MED13L: variants seen among roughly 807,000 people sequenced by gnomAD.
MED13L encodes the protein mediator complex subunit 13L.
A neutral mutation model predicts 220.9 loss-of-function variants in MED13L; 7 were observed. The ratio of observed to expected loss-of-function variants is 0.03; its 90% CI spans 0.02 to 0.06. MED13L has a LOEUF of 0.06. Among genes scored for constraint, MED13L ranks in the 10% least tolerant of loss-of-function variants. MED13L has a pLI of 1.00. For synonymous variants in MED13L, 1,011 were observed against 1,015.2 expected, an observed-to-expected ratio of 1.00 and a Z score of 0.08; for missense variants, 1,965 against 2,760.5, an observed-to-expected ratio of 0.71 and a Z score of 6.46.
In MED13L at chr12:116,277,418, T is replaced by TGCCGCTGCC. The variant is rs1353110031; in HGVS notation, c.-296_-288dup. The TGCCGCTGCC allele has an allele frequency of 4.4e-4, 68 of 154,872 alleles. 1 individual carries two copies. In the South Asian group the frequency reaches 0.011, roughly 25 times the overall value. The allele number at this position is 154,872 out of a possible 1,614,324, so 9.6% of individuals were successfully genotyped here. Reference sequence around the variant, plus strand: ...CCTCAGCCGCCGCCGCCGCCGCTGCTGCCGCTGCCGCCGCCTTGTTTATCT... The same window carrying TGCCGCTGCC: ...CCTCAGCCGCCGCCGCCGCCGCTGCTGCCGCTGCCGCCGCTGCCGCCGCCTTGTTTATCT... On this transcript the variant is annotated 5_prime_UTR_variant, in exon 1 of 31. Coordinates refer to ENST00000281928, the MANE Select transcript of MED13L (RefSeq NM_015335.5).
At chr12:116,044,249 A>G (rs970711085) in intron 4 of MED13L, among the ~76,000 whole-genome samples, 5 of 150,674 alleles carry the variant, frequency 3.3e-5, no homozygotes, top group African/African-American at 7.3e-5. Context: ...CAAATGTTCC[A>G]TAAGTAAGTG....
At chr12:116,274,495 T>TA (rs1006441130) in intron 1 of MED13L, among the ~76,000 whole-genome samples, 11 of 150,798 alleles carry the variant, frequency 7.3e-5, no homozygotes, top group Admixed American at 1.3e-4. Context: ...AGCGTTCTTA[T>TA]AAAAAAACAT....
chr12:116,016,502 A>G (rs1879733424), intron 7 of MED13L, among the ~76,000 whole-genome samples: 1 of 152,210 alleles, frequency 6.6e-6, no homozygotes, highest in African/African-American at 2.4e-5. Flanking sequence ...TAGGCAAACT[A>G]AAGAAATAAA....
intron 17 of MED13L, among the ~76,000 whole-genome samples, chr12:115,988,265 T>C (rs1877832451): frequency 6.6e-6 from 1 of 152,224 alleles, no homozygotes; most frequent in South Asian, 2.1e-4. Flanking sequence ...TGCAAAGTGG[T>C]GGTCCACAGA....
chr12:116,142,358 T>C (rs777465388), intron 2 of MED13L, among the ~76,000 whole-genome samples: 3 of 152,170 alleles, frequency 2.0e-5, no homozygotes, highest in Non-Finnish European at 4.4e-5. Flanking sequence ...AGTAAGCATA[T>C]AGCAATAGTC....
At chr12:116,240,527 ATTTAT>A (rs1216611010) in intron 1 of MED13L, among the ~76,000 whole-genome samples, 1 of 149,406 alleles carries the variant, frequency 6.7e-6, no homozygotes, top group African/African-American at 2.4e-5. Flanking sequence ...TAAGCAGAAG[ATTTAT>A]TTTATTTTTT....
intron 1 of MED13L, among the ~76,000 whole-genome samples, chr12:116,275,464 G>C (rs755134511): frequency 7.9e-5 from 12 of 152,062 alleles, no homozygotes; most frequent in Non-Finnish European, 2.9e-5. Flanking sequence ...TGTCTTTGTA[G>C]GTAAAAATCA....
intron 18 of MED13L, 55 bp from the exon 19 acceptor site, chr12:115,986,544 C>T (rs1877704190): frequency 6.5e-7 from 1 of 1,540,782 alleles, no homozygotes; most frequent in Non-Finnish European, 8.9e-7. Context: ...CACAACCTTA[C>T]AATTTTGAAA....
chr12:116,094,116 C>T (rs1872471275), intron 4 of MED13L, among the ~76,000 whole-genome samples: 1 of 152,132 alleles, frequency 6.6e-6, no homozygotes, highest in African/African-American at 2.4e-5. Flanking sequence ...TTAAAACTGT[C>T]CAACTCAGGC....
At chr12:116,074,237 A>T (rs148390297) in intron 4 of MED13L, among the ~76,000 whole-genome samples, 2,972 of 152,244 alleles carry the variant, frequency 0.02, 53 homozygotes, top group Middle Eastern at 0.054. Flanking sequence ...TCTACTAAAA[A>T]CACAAAAAGT....
At chr12:116,216,079 A>G (rs1179467923) in intron 2 of MED13L, among the ~76,000 whole-genome samples, 2 of 152,136 alleles carry the variant, frequency 1.3e-5, no homozygotes, top group African/African-American at 4.8e-5. Flanking sequence ...TCTAGCTATG[A>G]TCTATACTTG....
chr12:116,014,972 A>C lies in MED13L; in HGVS notation c.1175+137T>G, dbSNP rs184827284. On this transcript the variant is annotated intron_variant, in intron 8 of 30. Transcript: ENST00000281928. ...TATTTATTTCAAATTTTATTCTATT[A>C]AATTCAAAAAGATGAAATACCAATG... 2.2e-5 allele frequency: 18 copies of C among 827,944 alleles called. No homozygotes were observed. In the Admixed American group the frequency reaches 3.6e-4, roughly 17 times the overall value. The allele number at this position is 827,944 out of a possible 1,614,324, so 51.3% of individuals were successfully genotyped here.
At chr12:116,073,421 T>C (rs1397551721) in intron 4 of MED13L, among the ~76,000 whole-genome samples, 2 of 152,186 alleles carry the variant, frequency 1.3e-5, no homozygotes, top group Non-Finnish European at 2.9e-5. Flanking sequence ...ATGGACTCAA[T>C]GTTATATTAC....
chr12:116,224,169 T>G (rs1868726807), intron 2 of MED13L, among the ~76,000 whole-genome samples: 1 of 152,122 alleles, frequency 6.6e-6, no homozygotes. Context: ...CCCTCTAAGA[T>G]CCCAACTACC....
chr12:116,080,021 GTT>G (rs112759928), intron 4 of MED13L, among the ~76,000 whole-genome samples: 6 of 139,250 alleles, frequency 4.3e-5, no homozygotes, highest in Admixed American at 1.4e-4. Context: ...AACATTTGAG[GTT>G]TTTTTTTTTT....
At chr12:116,208,228 C>T (rs1466553234) in intron 2 of MED13L, among the ~76,000 whole-genome samples, 1 of 152,122 alleles carries the variant, frequency 6.6e-6, no homozygotes, top group Non-Finnish European at 1.5e-5. Flanking sequence ...AACCCGGTTT[C>T]TACTAAAAAT....
At chr12:116,035,599 A>AATTT (rs1360265683) in intron 4 of MED13L, among the ~76,000 whole-genome samples, 1 of 151,776 alleles carries the variant, frequency 6.6e-6, no homozygotes, top group African/African-American at 2.4e-5. Flanking sequence ...TTAATTAATT[A>AATTT]ATTTATTTAG....
At chr12:116,199,169 A>AT (rs1050770585) in intron 2 of MED13L, among the ~76,000 whole-genome samples, 30 of 151,798 alleles carry the variant, frequency 2.0e-4, no homozygotes, top group Non-Finnish European at 3.8e-4. Context: ...TTCTGGTCCC[A>AT]TTTTTTTTAT....
At chr12:116,119,809 TAAA>T (rs57622950) in intron 2 of MED13L, among the ~76,000 whole-genome samples, 83 of 38,704 alleles carry the variant, frequency 2.1e-3, no homozygotes, top group African/African-American at 3.7e-3. Flanking sequence ...CCCATATCTT[TAAA>T]AAAAAAAAAA....
Sources: gnomAD v4.1 joint callset for allele counts (sites outside exome capture counted in the v4.1 genomes callset) on GRCh38, gnomAD v4.1.1 for gene constraint, MANE v1.5 for transcripts, NCBI Gene and HGNC (gene_info 2026-07-23, HGNC 2026-07-21) for gene names.